ATG9B: variants seen among roughly 807,000 people sequenced by gnomAD.
ATG9B encodes autophagy-related protein 9B.
In ATG9B, 92 loss-of-function variants were observed where a neutral mutation model predicts 92.9. That is an observed-to-expected ratio of 0.99 (90% CI 0.84 to 1.18). The LOEUF is 1.18. ATG9B is among the 50% of genes most tolerant of loss of function. The pLI is 0.00. For missense variants in ATG9B, 1,344 were observed against 1,235.0 expected (o/e 1.09, Z -1.32); for synonymous variants, 599 against 551.4 (o/e 1.09, Z -1.21).
chr7:151,013,956 C>T, downstream of ATG9B: 1 of 1,604,076 alleles, frequency 6.2e-7, no homozygotes, highest in Non-Finnish European at 8.5e-7. Context: ...GTGCGGGGTT[C>T]CTGCTAAGGT....
chr7:151,023,372 T>TAAGGAAGCAAAATGACAG, intron 3 of ATG9B, 73 bp downstream of exon 3: 1 of 1,601,794 alleles, frequency 6.2e-7, no homozygotes, highest in Non-Finnish European at 8.5e-7. Context: ...CTGGCACAAT[T>TAAGGAAGCAAAATGACAG]AAGGAAGCAA....
chr7:151,016,570 C>T lies in ATG9B; in HGVS notation c.2424-43G>A, dbSNP rs141967203. 5.1e-4 allele frequency: 790 copies of T among 1,544,708 alleles called. 3 individuals are homozygous for T. In the African/African-American group the frequency reaches 9.4e-3, roughly 18 times the overall value. ...GCAGGTCAAAAGTCATGCCCTCCTC[C>T]CGCCACACCCCAGAGGACTCCCCTT... is the stretch of plus-strand genomic sequence containing the variant. On this transcript the variant is annotated intron_variant, in intron 10 of 13. Transcript: ENST00000639579.
chr7:151,022,696 C>T (rs140917671), intron 4 of ATG9B, among the ~76,000 whole-genome samples: 2 of 151,580 alleles, frequency 1.3e-5, no homozygotes, highest in African/African-American at 2.4e-5. Flanking sequence ...TAAAAATACA[C>T]GTGGTGGTGC....
intron 4 of ATG9B, among the ~76,000 whole-genome samples, chr7:151,021,546 T>C (rs1406322772): frequency 1.3e-5 from 2 of 152,100 alleles, no homozygotes; most frequent in Non-Finnish European, 1.5e-5. Context: ...CTTTCTGATG[T>C]TTTCATTCTT....
rs2117162923 is a variant in ATG9B, at chr7:151,018,818, T to G, written c.1520A>C (p.Tyr507Ser). ...GCGCAGGAAGGCGGCGGCGGGGCGG[T>G]AGGCGCGGGCCAGGCGCGCGCGCAG... ...HELRARLARA[Y>S]RPAAAFLRTA... The change falls in exon 6 of 14, where the codon TAC (tyrosine) becomes TCC (serine). Residue 507 changes from tyrosine to serine, a missense_variant. Coordinates refer to ENST00000639579, the MANE Select transcript of ATG9B (RefSeq NM_001317056.2). The surrounding 1 kb of genome is among the most constrained non-coding windows in gnomAD (Gnocchi z 4.7). 12 of 1,290,346 alleles carry G rather than the reference T, an allele frequency of 9.3e-6. No homozygotes were observed. The highest frequency in any genetic ancestry group is 9.8e-6 in the Non-Finnish European group (10 of 1,021,984). The allele number at this position is 1,290,346 out of a possible 1,614,324, so 79.9% of individuals were successfully genotyped here. A position where few individuals can be genotyped will look rare whatever the true frequency, so the allele number is the denominator to read the frequency against.
At chr7:151,013,216 C>T (rs2117140199), downstream of ATG9B, 3 of 1,608,164 alleles carry the variant, frequency 1.9e-6, no homozygotes, top group Non-Finnish European at 2.5e-6. Context: ...TTCCCAAGCG[C>T]GGGGTTGCTT....
chr7:151,016,321 C>A, intron 11 of ATG9B, 86 bp from the exon 12 acceptor site: 1 of 1,481,586 alleles, frequency 6.7e-7, no homozygotes, highest in Non-Finnish European at 9.0e-7. Flanking sequence ...GCTTTTCAGC[C>A]TCCTCCTGCC....
At position 151,017,286 on chromosome 7, in the gene ATG9B, C is replaced by A; in HGVS notation, c.2053-14G>T. The A allele has an allele frequency of 6.4e-7, 1 of 1,571,158 alleles. No individual in the cohort carries two copies. The highest frequency in any genetic ancestry group is 1.2e-5 in the South Asian group (1 of 85,730). ...CGCCGAGAGCCACTGTGAGCAAGGACAGTCTTTCAGGTGCTAAGAACACTG... is the reference window on the plus strand; with the variant it reads ...CGCCGAGAGCCACTGTGAGCAAGGAAAGTCTTTCAGGTGCTAAGAACACTG... On this transcript the variant is annotated splice_polypyrimidine_tract_variant and intron_variant, in intron 8 of 13. Coordinates refer to ENST00000639579, the MANE Select transcript of ATG9B (RefSeq NM_001317056.2).
chr7:151,018,522 C>A lies in ATG9B; in HGVS notation c.1719-75G>T. 1 of 1,520,732 alleles carries A rather than the reference C, an allele frequency of 6.6e-7. No individual in the cohort carries two copies. Among genetic ancestry groups the A allele is most frequent in the South Asian group, 1.3e-5 (1 of 79,362 alleles). 94.2% of individuals were successfully genotyped at this position (1,520,732 alleles called of 1,614,324 possible). On this transcript the variant is annotated intron_variant, in intron 6 of 13. Coordinates refer to ENST00000639579, the MANE Select transcript of ATG9B (RefSeq NM_001317056.2). This position sits in a 1 kb window ranked among gnomAD's most constrained non-coding sequence, Gnocchi z 4.7. ...GCGGTGGGATGTAGGGCTAGAGGGC[C>A]CCAGTGGTGGGAGAGGTAAGGATTC... is the stretch of plus-strand genomic sequence containing the variant.
At chr7:151,016,963 A>G in intron 9 of ATG9B, 73 bp downstream of exon 9, 1 of 1,509,928 alleles carries the variant, frequency 6.6e-7, no homozygotes, top group Non-Finnish European at 9.0e-7. Context: ...ACCTAAGGTG[A>G]GCCTAGAGGG....
At chr7:151,014,175 G>T (rs151197128), downstream of ATG9B, 2 of 1,593,838 alleles carry the variant, frequency 1.3e-6, no homozygotes, top group Non-Finnish European at 1.7e-6. Flanking sequence ...CCTGAGAGCC[G>T]CCTGGCTTTC....
At chr7:151,021,851 A>G (rs112588214) in intron 4 of ATG9B, among the ~76,000 whole-genome samples, 2,214 of 149,790 alleles carry the variant, frequency 0.015, 22 homozygotes, top group Non-Finnish European at 0.021. Context: ...GGGTTTCACC[A>G]TGTTGGCCAG....
Position 151,018,018 on chromosome 7 carries a change from G to GA in ATG9B, c.1904dup (p.Leu636ProfsTer57). 2 of 1,599,540 alleles carry GA rather than the reference G, an allele frequency of 1.3e-6. No homozygotes were observed. Among genetic ancestry groups the GA allele is most frequent in the Non-Finnish European group, 1.7e-6 (2 of 1,172,728 alleles). On this transcript the variant is annotated frameshift_variant, in exon 8 of 14. Transcript: ENST00000639579. LOFTEE classifies it high-confidence loss of function. This position sits in a 1 kb window ranked among gnomAD's most constrained non-coding sequence, Gnocchi z 4.7. ...AGAAAAGCAGAAACAGCGGGGTGAGGAGCGGGGACAGGAGCTCCTCCAGGA... is the reference window on the plus strand; with the variant it reads ...AGAAAAGCAGAAACAGCGGGGTGAGGAAGCGGGGACAGGAGCTCCTCCAGGA...
intron 4 of ATG9B, 93 bp from the exon 5 acceptor site, chr7:151,021,422 G>A: frequency 6.8e-7 from 1 of 1,460,600 alleles, no homozygotes; most frequent in Non-Finnish European, 9.1e-7. Flanking sequence ...CCATCATGAG[G>A]AGGGGGATCT....
chr7:151,013,323 CGCG>C, downstream of ATG9B: 1 of 1,614,064 alleles, frequency 6.2e-7, no homozygotes, highest in South Asian at 1.1e-5. Context: ...CGCCCAGCAG[CGCG>C]GGGTGTTTGG....
chr7:151,019,410 A>C (rs1795667352), intron 5 of ATG9B, 36 bp from the exon 6 acceptor site: 1 of 1,495,378 alleles, frequency 6.7e-7, no homozygotes, highest in Non-Finnish European at 8.8e-7. Context: ...GCGACCCCCC[A>C]TTCCTCTCCA....
At chr7:151,016,933 G>A in intron 9 of ATG9B, 103 bp downstream of exon 9, 14 of 1,500,518 alleles carry the variant, frequency 9.3e-6, no homozygotes, top group African/African-American at 1.4e-5. Context: ...TGGGGGCGGG[G>A]GCTGGTGAGG....
intron 4 of ATG9B, among the ~76,000 whole-genome samples, chr7:151,022,694 C>T (rs1381926091): frequency 6.6e-6 from 1 of 151,596 alleles, no homozygotes; most frequent in Non-Finnish European, 1.5e-5. Context: ...ACTAAAAATA[C>T]ACGTGGTGGT....
intron 3 of ATG9B, 52 bp from the exon 4 acceptor site, chr7:151,023,258 A>C: frequency 6.2e-7 from 1 of 1,612,306 alleles, no homozygotes; most frequent in Non-Finnish European, 8.5e-7. Flanking sequence ...AGGGACAGCC[A>C]GGTGGGCTCC....
Sources: allele counts gnomAD v4.1 joint callset (sites outside exome capture counted in the v4.1 genomes callset), GRCh38; gene constraint gnomAD v4.1.1; non-coding constraint Gnocchi (gnomAD v3.1); transcripts MANE v1.5; gene names NCBI Gene and HGNC (gene_info 2026-07-23, HGNC 2026-07-21).